Variants in CNTN4 observed in about 807,000 individuals in gnomAD.
The protein encoded by CNTN4 is contactin 4, also known as contactin-4.
A neutral mutation model predicts 122.5 loss-of-function variants in CNTN4; 77 were observed. The ratio of observed to expected loss-of-function variants is 0.63; its 90% CI spans 0.52 to 0.76. The LOEUF (loss-of-function observed/expected upper bound fraction) is 0.76, where lower values mean the gene tolerates loss of function less well. Among genes scored for constraint, CNTN4 ranks in the 30% least tolerant of loss-of-function variants. The pLI is 0.00. For synonymous variants in CNTN4, 512 were observed against 447.0 expected (o/e 1.15, Z -1.83); for missense variants, 1,256 against 1,259.1 (o/e 1.00, Z 0.04).
intron 4 of CNTN4, among the ~76,000 whole-genome samples, chr3:2,642,413 C>T (rs2150125959): frequency 6.6e-6 from 1 of 152,298 alleles, no homozygotes; most frequent in Admixed American, 6.5e-5. Flanking sequence ...CCCTCACAGA[C>T]ATACCCAGGA....
chr3:2,224,473 G>A (rs1025360497), intron 2 of CNTN4, among the ~76,000 whole-genome samples: 1 of 152,194 alleles, frequency 6.6e-6, no homozygotes, highest in Non-Finnish European at 1.5e-5. Flanking sequence ...TTGCACATGA[G>A]TTCCTCCAAA....
chr3:2,470,427 C>T (rs1009987427), intron 3 of CNTN4, among the ~76,000 whole-genome samples: 1 of 152,108 alleles, frequency 6.6e-6, no homozygotes, highest in African/African-American at 2.4e-5. Context: ...CGCTTCTCAA[C>T]AGTGTAATTT....
intron 6 of CNTN4, among the ~76,000 whole-genome samples, chr3:2,804,311 A>T (rs1025122086): frequency 3.3e-5 from 5 of 152,156 alleles, no homozygotes; most frequent in Non-Finnish European, 7.3e-5. Context: ...GTCACACAAT[A>T]AAAAATTTAA....
At chr3:2,365,379 T>C (rs555115587) in intron 3 of CNTN4, among the ~76,000 whole-genome samples, 1 of 152,350 alleles carries the variant, frequency 6.6e-6, no homozygotes, top group East Asian at 1.9e-4. Flanking sequence ...TGATTTGTCC[T>C]CAACTTGACT....
intron 13 of CNTN4, among the ~76,000 whole-genome samples, chr3:2,975,293 C>A (rs1382795562): frequency 1.3e-5 from 2 of 152,046 alleles, no homozygotes; most frequent in Admixed American, 6.6e-5. Flanking sequence ...TGTTTTATTT[C>A]TTTCCTACAC....
chr3:2,972,680 G>A (rs1413969648), intron 13 of CNTN4, among the ~76,000 whole-genome samples: 1 of 152,076 alleles, frequency 6.6e-6, no homozygotes, highest in Non-Finnish European at 1.5e-5. Context: ...TTCAATAAAT[G>A]TAGTGTGCTG....
intron 7 of CNTN4, among the ~76,000 whole-genome samples, chr3:2,821,005 A>G (rs1420031621): frequency 8.2e-6 from 1 of 121,376 alleles, no homozygotes; most frequent in East Asian, 2.4e-4. Context: ...TTTGTCACCC[A>G]ATCTGGAGTG....
Position 2,878,553 on chromosome 3 carries a change from C to CTG in CNTN4, c.653-4556_653-4555dup, listed in dbSNP as rs60925207. Among the ~76,000 whole-genome samples, 1,444 of 146,922 alleles carry CTG rather than the reference C, an allele frequency of 9.8e-3. 6 individuals carry two copies. Among genetic ancestry groups the CTG allele is most frequent in the Non-Finnish European group, 0.01 (698 of 66,638 alleles). ...AAGAGAACAACAGAAGAGATGCTCT[C>CTG]TGTGTGTGTGTGTGTGTGTGTGTGT... On this transcript the variant is annotated intron_variant, in intron 8 of 24. Coordinates refer to ENST00000418658, the MANE Select transcript of CNTN4 (RefSeq NM_175607.3).
chr3:2,373,084 A>T (rs141993503), intron 3 of CNTN4, among the ~76,000 whole-genome samples: 3 of 150,748 alleles, frequency 2.0e-5, no homozygotes, highest in Non-Finnish European at 2.9e-5. Context: ...GATTGACCTG[A>T]AAAGGGCTTT....
chr3:2,719,595 TA>T (rs2087714542), intron 4 of CNTN4, among the ~76,000 whole-genome samples: 1 of 152,150 alleles, frequency 6.6e-6, no homozygotes, highest in Admixed American at 6.5e-5. Flanking sequence ...AGCTAATTTT[TA>T]TATTTTTAGT....
At chr3:2,150,668 A>G (rs2035457651) in intron 2 of CNTN4, among the ~76,000 whole-genome samples, 1 of 152,208 alleles carries the variant, frequency 6.6e-6, no homozygotes, top group Non-Finnish European at 1.5e-5. Context: ...TAGTCAACCT[A>G]AAATGAGCAC....
intron 2 of CNTN4, among the ~76,000 whole-genome samples, chr3:2,296,944 T>TG (rs1254128237): frequency 1.3e-5 from 2 of 152,198 alleles, no homozygotes; most frequent in African/African-American, 4.8e-5. Context: ...TATTTTCTTC[T>TG]GAAAAGAACT....
intron 2 of CNTN4, among the ~76,000 whole-genome samples, chr3:2,209,400 C>G (rs755281886): frequency 1.3e-5 from 2 of 152,132 alleles, no homozygotes; most frequent in Non-Finnish European, 2.9e-5. Flanking sequence ...AAGTAGCTAT[C>G]CTCTCCCATA....
At chr3:2,896,037 A>T (rs555994944) in intron 10 of CNTN4, among the ~76,000 whole-genome samples, 200 of 152,226 alleles carry the variant, frequency 1.3e-3, no homozygotes, top group African/African-American at 4.5e-3. Context: ...TGTCTCAAAA[A>T]AAATAAATAA....
At chr3:2,892,341 TAGTG>T (rs2094052619) in intron 10 of CNTN4, 1 of 152,194 alleles carries the variant, frequency 6.6e-6, no homozygotes, top group Non-Finnish European at 1.5e-5. Flanking sequence ...GGGAACCACA[TAGTG>T]AGAATGCTCT....
At chr3:3,009,373 A>C (rs757319223) in intron 14 of CNTN4, among the ~76,000 whole-genome samples, 58 of 152,108 alleles carry the variant, frequency 3.8e-4, no homozygotes, top group Non-Finnish European at 7.1e-4. Flanking sequence ...ATAAACAAGA[A>C]ACACCCTTTT....
chr3:3,008,398 T>C (rs1696860012), intron 14 of CNTN4, among the ~76,000 whole-genome samples: 1 of 152,208 alleles, frequency 6.6e-6, no homozygotes, highest in Admixed American at 6.5e-5. Context: ...GTTGGATTTT[T>C]TAAGACTAAA....
chr3:2,819,733 C>A, intron 7 of CNTN4, 152 bp downstream of exon 7: 1 of 710,966 alleles, frequency 1.4e-6, no homozygotes. Context: ...GTGAATGCCT[C>A]CCATCATTAG....
At chr3:2,420,893 G>C (rs1354241) in intron 3 of CNTN4, among the ~76,000 whole-genome samples, 106,764 of 152,052 alleles carry the variant, frequency 0.7, 38,522 homozygotes, top group East Asian at 0.9. Flanking sequence ...TACCTCAAGA[G>C]ATGGCCGTAT....
Sources: allele counts gnomAD v4.1 joint callset (sites outside exome capture counted in the v4.1 genomes callset), GRCh38; gene constraint gnomAD v4.1.1; transcripts MANE v1.5; gene names NCBI Gene and HGNC (gene_info 2026-07-23, HGNC 2026-07-21).